The following TRA2A variants were observed in gnomAD, a reference collection of about 807,000 sequenced individuals.
TRA2A encodes transformer-2 protein homolog alpha.
TRA2A carries 31 observed loss-of-function variants against 45.7 expected under a neutral mutation model. The ratio of observed to expected loss-of-function variants is 0.68; its 90% CI spans 0.51 to 0.92. TRA2A has a LOEUF of 0.92. Ranked by LOEUF, TRA2A falls within the 40% of genes least tolerant of loss-of-function variation. TRA2A has a pLI of 0.00. For synonymous variants in TRA2A, 132 were observed against 126.2 expected (o/e 1.05, Z -0.31); for missense variants, 304 against 367.5 (o/e 0.83, Z 1.41).
chr7:23,508,534 G>A (rs1425466994), intron 4 of TRA2A, among the ~76,000 whole-genome samples: 2 of 152,140 alleles, frequency 1.3e-5, no homozygotes, highest in East Asian at 1.9e-4. Flanking sequence ...CGCTCTTGTT[G>A]CACAGGCTGG....
At chr7:23,521,372 C>T (rs1470457411) in intron 2 of TRA2A, among the ~76,000 whole-genome samples, 1 of 152,098 alleles carries the variant, frequency 6.6e-6, no homozygotes, top group Non-Finnish European at 1.5e-5. Context: ...AAATTGATGG[C>T]TATATACACA....
In TRA2A at chr7:23,530,315, A is replaced by C. The variant is rs150351165; in HGVS notation, c.36+1474T>G. 7.2e-4 allele frequency among the ~76,000 whole-genome samples: 110 copies of C among 152,362 alleles called. 1 individual carries two copies. The Middle Eastern group carries it at 0.01, about 14-fold the overall frequency. ...AAAAAAAATTCCAATCAAAAGAATT[A>C]AAGGCAAATTTTTTAGTCTACCGGG... On this transcript the variant is annotated intron_variant, in intron 1 of 7. Transcript: ENST00000297071.
intron 7 of TRA2A, 39 bp from the exon 8 acceptor site, chr7:23,505,608 A>AAT: frequency 1.7e-6 from 1 of 591,344 alleles, no homozygotes; most frequent in Non-Finnish European, 3.0e-6. Flanking sequence ...AAAAAAAAAA[A>AAT]GTTAACAATT....
At chr7:23,507,656 A>G in intron 4 of TRA2A, 121 bp from the exon 5 acceptor site, 1 of 725,616 alleles carries the variant, frequency 1.4e-6, no homozygotes, top group East Asian at 2.5e-5. Flanking sequence ...AATGACAGCA[A>G]TGTAGCTTGT....
rs1790545979 is a variant in TRA2A, at chr7:23,530,849, T to G, written c.36+940A>C. On this transcript the variant is annotated intron_variant, in intron 1 of 7. Coordinates refer to ENST00000297071, the MANE Select transcript of TRA2A (RefSeq NM_013293.5). ...TTACAGAACAGTATATACTGACTAG[T>G]TATCTTAAAAATACTGAGCCAATGA... 3.3e-5 allele frequency among the ~76,000 whole-genome samples: 5 copies of G among 152,172 alleles called. No individual in the cohort carries two copies. In the South Asian group the frequency reaches 1.0e-3, roughly 31 times the overall value.
chr7:23,524,565 CTTCT>C (rs1239444837), intron 1 of TRA2A, among the ~76,000 whole-genome samples: 2 of 152,262 alleles, frequency 1.3e-5, no homozygotes, highest in Non-Finnish European at 2.9e-5. Flanking sequence ...GTTGTCTGCC[CTTCT>C]TTCTTTTTAT....
Position 23,512,960 on chromosome 7 carries a change from A to C in TRA2A, c.459T>G (p.Asp153Glu). The change falls in exon 4 of 8, where the codon GAT (aspartate) becomes GAG (glutamate). Residue 153 changes from aspartate to glutamate, a missense_variant. Transcript: ENST00000297071. ...GPLSGVNVVYDQRTGRSRGFA... is the reference protein window; with the variant it reads ...GPLSGVNVVYEQRTGRSRGFA... ...ATCCTCGAGATCGCCCAGTTCGCTGATCATAAACCACATTGACACCACTCA... is the reference window on the plus strand; with the variant it reads ...ATCCTCGAGATCGCCCAGTTCGCTGCTCATAAACCACATTGACACCACTCA... 1 of 1,614,080 alleles carries C rather than the reference A, an allele frequency of 6.2e-7. No individual in the cohort carries two copies. The highest frequency in any genetic ancestry group is 8.5e-7 in the Non-Finnish European group (1 of 1,180,010).
At chr7:23,511,405 A>AAAG (rs1789609464) in intron 4 of TRA2A, among the ~76,000 whole-genome samples, 1 of 44,354 alleles carries the variant, frequency 2.3e-5, no homozygotes, top group Non-Finnish European at 4.7e-5. Context: ...AAAAAAAAAA[A>AAAG]AAAAAGAAAA....
rs1789258203 is a variant in TRA2A at position 23,505,216 on chromosome 7, C to T, written c.*343G>A. 8.4e-6 allele frequency: 2 copies of T among 237,848 alleles called. No individual in the cohort carries two copies. Among genetic ancestry groups the T allele is most frequent in the African/African-American group, 2.3e-5 (1 of 44,432 alleles). The allele number at this position is 237,848 out of a possible 1,614,324, so 14.7% of individuals were successfully genotyped here. On this transcript the variant is annotated 3_prime_UTR_variant, in exon 8 of 8. Transcript: ENST00000297071. Reference sequence around the variant, plus strand: ...TGCAGATCTCTAATACAGTATCTAACACAAAAGAAGCTTTAAAAAGACAGT... The same window carrying T: ...TGCAGATCTCTAATACAGTATCTAATACAAAAGAAGCTTTAAAAAGACAGT...
rs1303603267 is a variant in TRA2A, at chr7:23,507,545, A to G, written c.526-10T>C. ...TTGCCCTTTCCATAGCCTATAAAGA[A>G]CAGGCACAAAAAGTCACGTATAATT... is the stretch of plus-strand genomic sequence containing the variant. On this transcript the variant is annotated splice_polypyrimidine_tract_variant and intron_variant, in intron 4 of 7. Coordinates refer to ENST00000297071, the MANE Select transcript of TRA2A (RefSeq NM_013293.5). 1.9e-6 allele frequency: 3 copies of G among 1,600,218 alleles called. No homozygotes were observed. The highest frequency in any genetic ancestry group is 8.6e-7 in the Non-Finnish European group (1 of 1,167,548).
intron 2 of TRA2A, 45 bp downstream of exon 2, chr7:23,521,662 A>G: frequency 1.3e-6 from 2 of 1,598,798 alleles, no homozygotes; most frequent in Non-Finnish European, 1.7e-6. Context: ...TTTGTCCTCA[A>G]AAACCCCAGA....
chr7:23,509,181 C>T (rs903093223), intron 4 of TRA2A, among the ~76,000 whole-genome samples: 1 of 152,064 alleles, frequency 6.6e-6, no homozygotes, highest in Non-Finnish European at 1.5e-5. Context: ...TCTGCAAAAG[C>T]AAAGCTGCAA....
chr7:23,521,500 G>T lies in TRA2A; in HGVS notation c.170+207C>A, dbSNP rs892503976. Reference sequence around the variant, plus strand: ...CTGGCACCCAGGCTGTGGTGCAGTGGTGCAATCAATGCAGCCTGGAACTCC... The same window carrying T: ...CTGGCACCCAGGCTGTGGTGCAGTGTTGCAATCAATGCAGCCTGGAACTCC... On this transcript the variant is annotated intron_variant, in intron 2 of 7. Transcript: ENST00000297071. Among the ~76,000 whole-genome samples, 37 of 152,142 alleles carry T rather than the reference G, an allele frequency of 2.4e-4. 1 individual carries two copies. The highest frequency in any genetic ancestry group is 1.2e-3 in the Admixed American group (18 of 15,270).
chr7:23,528,762 GGTTT>G (rs1331056549), intron 1 of TRA2A, among the ~76,000 whole-genome samples: 2 of 151,398 alleles, frequency 1.3e-5, no homozygotes, highest in East Asian at 3.9e-4. Context: ...CTGCCTCCCG[GGTTT>G]AAGCAATTCT....
chr7:23,517,850 TG>T (rs1789957587), intron 2 of TRA2A, among the ~76,000 whole-genome samples: 1 of 152,066 alleles, frequency 6.6e-6, no homozygotes, highest in African/African-American at 2.4e-5. Context: ...AGGTGGAGGC[TG>T]CAGTGAGCTG....
intron 3 of TRA2A, among the ~76,000 whole-genome samples, chr7:23,513,654 T>C (rs1308006388): frequency 1.3e-5 from 2 of 152,158 alleles, no homozygotes; most frequent in African/African-American, 4.8e-5. Context: ...CACTTGAACA[T>C]ACATTTTTTT....
At chr7:23,517,272 G>C (rs1462145461) in intron 2 of TRA2A, among the ~76,000 whole-genome samples, 1 of 144,348 alleles carries the variant, frequency 6.9e-6, no homozygotes, top group Non-Finnish European at 1.5e-5. Flanking sequence ...CACGAGGTCA[G>C]GAGATCGAGA....
intron 2 of TRA2A, among the ~76,000 whole-genome samples, chr7:23,520,228 A>C (rs778682872): frequency 3.6e-4 from 55 of 152,240 alleles, no homozygotes; most frequent in Non-Finnish European, 6.8e-4. Context: ...AACAAAAACA[A>C]AAACAAACAA....
rs1562783783 is a variant in TRA2A at position 23,505,761 on chromosome 7, G to A, written c.823C>T (p.Arg275Cys). 6 of 1,555,018 alleles carry A rather than the reference G, an allele frequency of 3.9e-6. No homozygotes were observed. Among genetic ancestry groups the A allele is most frequent in the Non-Finnish European group, 4.3e-6 (5 of 1,157,040 alleles). The change falls in exon 7 of 8, where the codon CGT becomes TGT. Residue 275 changes from arginine (R) to cysteine (C), a missense_variant. Physicochemically the swap from Arg to Cys is radical, Grantham distance 180. Transcript: ENST00000297071. ...YSRYRSRSRS[R>C]SYSPRRY ...GTTCACATACTTGGGCTGTAGGAACGAGATCTTGATCGTGATCTATATCGA... is the reference window on the plus strand; with the variant it reads ...GTTCACATACTTGGGCTGTAGGAACAAGATCTTGATCGTGATCTATATCGA...
Sources: gnomAD v4.1 joint callset for allele counts (sites outside exome capture counted in the v4.1 genomes callset) on GRCh38, gnomAD v4.1.1 for gene constraint, MANE v1.5 for transcripts, NCBI Gene and HGNC (gene_info 2026-07-23, HGNC 2026-07-21) for gene names.